The following SNTB1 variants were observed in gnomAD, a reference collection of about 807,000 sequenced individuals.
The protein encoded by SNTB1 is beta-1-syntrophin.
In SNTB1, 36 loss-of-function variants were observed where a neutral mutation model predicts 48.9. The ratio of observed to expected loss-of-function variants is 0.74; its 90% CI spans 0.56 to 0.97. The LOEUF is 0.97. Among genes scored for constraint, SNTB1 ranks in the 50% least tolerant of loss-of-function variants. SNTB1 has a pLI of 0.00. For missense variants in SNTB1, 786 were observed against 703.4 expected (o/e 1.12, Z -1.33); for synonymous variants, 299 against 294.6 (o/e 1.01, Z -0.15).
chr8:120,539,097 T>C (rs1463686353), intron 6 of SNTB1, 128 bp from the exon 7 acceptor site: 9 of 634,462 alleles, frequency 1.4e-5, no homozygotes, highest in Non-Finnish European at 2.5e-5. Context: ...AATTATGCTC[T>C]AAAATCACTG....
rs754204085 is a variant in SNTB1, at chr8:120,538,981, A to T, written c.1525-12T>A. ...TGAAGGTCCAGTTGCTGAAATTTAA[A>T]AAGAAGAGAGCATGAGCGATTTTAA... On this transcript the variant is annotated splice_polypyrimidine_tract_variant and intron_variant, in intron 6 of 6. Transcript: ENST00000517992. 6.2e-7 allele frequency: 1 copy of T among 1,602,850 alleles called. No individual in the cohort carries two copies. The highest frequency in any genetic ancestry group is 1.1e-5 in the South Asian group (1 of 89,108).
At chr8:120,575,520 G>C (rs1815936855) in intron 3 of SNTB1, among the ~76,000 whole-genome samples, 1 of 152,210 alleles carries the variant, frequency 6.6e-6, no homozygotes, top group African/African-American at 2.4e-5. Flanking sequence ...TTTTATAGTG[G>C]GAGGCAAATG....
chr8:120,810,652 G>A (rs975037856), intron 1 of SNTB1, among the ~76,000 whole-genome samples: 1 of 152,118 alleles, frequency 6.6e-6, no homozygotes, highest in Admixed American at 6.5e-5. Flanking sequence ...ATATTCCCCG[G>A]CCCCTGACAT....
intron 1 of SNTB1, 52 bp downstream of exon 1, chr8:120,811,221 C>T: frequency 2.0e-6 from 3 of 1,527,502 alleles, no homozygotes; most frequent in Non-Finnish European, 2.6e-6. Flanking sequence ...GGGTGGGAAG[C>T]CGAGCAGGTG....
At position 120,762,953 on chromosome 8, in the gene SNTB1, A is replaced by AGTAG. The variant is rs1260702932; in HGVS notation, c.571+48316_571+48319dup. Among the ~76,000 whole-genome samples, 3 of 152,252 alleles carry AGTAG rather than the reference A, an allele frequency of 2.0e-5. No individual in the cohort carries two copies. In the East Asian group the frequency reaches 5.8e-4, roughly 29 times the overall value. Reference sequence around the variant, plus strand: ...AGAGTGCCTGTCAAGAATCCTATGTAGTAGGTAGTATTACTATCTCCATTT... The same window carrying AGTAG: ...AGAGTGCCTGTCAAGAATCCTATGTAGTAGGTAGGTAGTATTACTATCTCCATTT... On this transcript the variant is annotated intron_variant, in intron 1 of 6. Coordinates refer to ENST00000517992, the MANE Select transcript of SNTB1 (RefSeq NM_021021.4).
chr8:120,657,355 T>A (rs1419769843), intron 2 of SNTB1, among the ~76,000 whole-genome samples: 1 of 152,194 alleles, frequency 6.6e-6, no homozygotes, highest in Non-Finnish European at 1.5e-5. Context: ...ATCACTAACC[T>A]AGGATGAGAT....
chr8:120,713,822 T>C (rs941276764), intron 1 of SNTB1, among the ~76,000 whole-genome samples: 4 of 152,230 alleles, frequency 2.6e-5, no homozygotes, highest in Non-Finnish European at 4.4e-5. Flanking sequence ...GATTCACTTA[T>C]GTTGTGGTGT....
At chr8:120,574,979 G>C in intron 4 of SNTB1, 107 bp downstream of exon 4, 9 of 1,390,748 alleles carry the variant, frequency 6.5e-6, no homozygotes, top group Non-Finnish European at 9.0e-6. Flanking sequence ...GGAGCTCTCA[G>C]CCCCTGCTGC....
intron 2 of SNTB1, among the ~76,000 whole-genome samples, chr8:120,647,505 G>A (rs1430609102): frequency 8.7e-5 from 13 of 149,008 alleles, no homozygotes; most frequent in Middle Eastern, 3.3e-3. Flanking sequence ...CTGAGTTCTA[G>A]TTTGATTGCA....
chr8:120,676,705 C>T (rs1817842093), intron 2 of SNTB1, among the ~76,000 whole-genome samples: 1 of 152,100 alleles, frequency 6.6e-6, no homozygotes, highest in Admixed American at 6.6e-5. Context: ...ACAGAAATAG[C>T]TGGATAACTA....
intron 1 of SNTB1, among the ~76,000 whole-genome samples, chr8:120,749,646 T>C (rs1819179690): frequency 1.3e-5 from 2 of 152,096 alleles, no homozygotes; most frequent in African/African-American, 2.4e-5. Context: ...CAACTGTTGA[T>C]AAAGGTTTGC....
At chr8:120,670,741 A>G (rs935888573) in intron 2 of SNTB1, among the ~76,000 whole-genome samples, 6 of 152,236 alleles carry the variant, frequency 3.9e-5, no homozygotes, top group Admixed American at 2.0e-4. Flanking sequence ...TTCAGTGGAA[A>G]GTGCATAGTG....
intron 3 of SNTB1, among the ~76,000 whole-genome samples, chr8:120,595,342 A>C (rs1441121361): frequency 6.6e-6 from 1 of 152,224 alleles, no homozygotes; most frequent in Non-Finnish European, 1.5e-5. Context: ...AAAACCCACC[A>C]AAACCAAGGT....
intron 1 of SNTB1, among the ~76,000 whole-genome samples, chr8:120,695,852 A>C (rs1009456506): frequency 2.4e-4 from 37 of 152,212 alleles, no homozygotes; most frequent in African/African-American, 8.7e-4. Flanking sequence ...ATTAGAAGAA[A>C]AGAGCTCCAT....
At chr8:120,757,158 T>C (rs1436195594) in intron 1 of SNTB1, among the ~76,000 whole-genome samples, 1 of 152,186 alleles carries the variant, frequency 6.6e-6, no homozygotes, top group Admixed American at 6.5e-5. Flanking sequence ...GCTGAGTCAA[T>C]TTCTCAAGGT....
At chr8:120,761,718 C>T (rs1467163851) in intron 1 of SNTB1, among the ~76,000 whole-genome samples, 2 of 152,206 alleles carry the variant, frequency 1.3e-5, no homozygotes, top group Non-Finnish European at 1.5e-5. Flanking sequence ...CAGGTAGATG[C>T]CAGCTGGAAG....
chr8:120,565,104 T>C (rs533108923), intron 4 of SNTB1, among the ~76,000 whole-genome samples: 9 of 150,798 alleles, frequency 6.0e-5, no homozygotes, highest in Admixed American at 2.0e-4. Context: ...TAGTTTCTGC[T>C]AACAGGATGG....
intron 2 of SNTB1, among the ~76,000 whole-genome samples, chr8:120,663,686 G>A (rs1311475344): frequency 6.6e-6 from 1 of 152,084 alleles, no homozygotes; most frequent in Non-Finnish European, 1.5e-5. Context: ...GGCAGCGTGA[G>A]GACCCATTGA....
At chr8:120,705,646 CT>C (rs1563856700) in intron 1 of SNTB1, among the ~76,000 whole-genome samples, 1 of 152,184 alleles carries the variant, frequency 6.6e-6, no homozygotes, top group Admixed American at 6.5e-5. Context: ...TTTCTAAAAT[CT>C]CTTCAAGTTG....
Sources: allele counts gnomAD v4.1 joint callset (sites outside exome capture counted in the v4.1 genomes callset), GRCh38; gene constraint gnomAD v4.1.1; transcripts MANE v1.5; gene names NCBI Gene and HGNC (gene_info 2026-07-23, HGNC 2026-07-21).